The following PRKN variants were observed in gnomAD, a reference collection of about 807,000 sequenced individuals.
PRKN encodes parkin RBR E3 ubiquitin protein ligase, also known as E3 ubiquitin-protein ligase parkin.
PRKN carries 56 observed loss-of-function variants against 59.5 expected under a neutral mutation model. That is an observed-to-expected ratio of 0.94 (90% CI 0.76 to 1.18). The LOEUF (loss-of-function observed/expected upper bound fraction) is 1.18, where lower values mean the gene tolerates loss of function less well. Ranked by LOEUF, PRKN falls within the 50% of genes most tolerant of loss-of-function variation. PRKN has a pLI of 0.00. For missense variants in PRKN, 657 were observed against 596.4 expected (o/e 1.10, Z -1.06); for synonymous variants, 250 against 222.1 (o/e 1.13, Z -1.12).
At chr6:162,596,283 A>G (rs1781492085) in intron 1 of PRKN, among the ~76,000 whole-genome samples, 1 of 152,164 alleles carries the variant, frequency 6.6e-6, no homozygotes, top group South Asian at 2.1e-4. Context: ...ACAAGTGACA[A>G]CTCAGCAACT....
chr6:161,634,583 G>A (rs1260142880), intron 7 of PRKN, among the ~76,000 whole-genome samples: 1 of 152,134 alleles, frequency 6.6e-6, no homozygotes, highest in Non-Finnish European at 1.5e-5. Context: ...GAACAGGCAC[G>A]AGGACTCAAG....
chr6:162,134,626 T>C (rs747606410), intron 4 of PRKN, among the ~76,000 whole-genome samples: 1 of 152,166 alleles, frequency 6.6e-6, no homozygotes, highest in Non-Finnish European at 1.5e-5. Context: ...ATGATCTAGT[T>C]AAAGGCTTTG....
chr6:161,954,517 G>A (rs2128246810), intron 6 of PRKN, among the ~76,000 whole-genome samples: 1 of 152,238 alleles, frequency 6.6e-6, no homozygotes, highest in South Asian at 2.1e-4. Context: ...TAAAAATTCT[G>A]CAATATTTCT....
chr6:162,136,806 G>A (rs1781577443), intron 4 of PRKN, among the ~76,000 whole-genome samples: 2 of 152,056 alleles, frequency 1.3e-5, no homozygotes, highest in African/African-American at 2.4e-5. Flanking sequence ...ACAAAGCTAG[G>A]GCCTCTGCTT....
intron 1 of PRKN, among the ~76,000 whole-genome samples, chr6:162,476,674 C>T (rs1792034166): frequency 6.6e-6 from 1 of 152,044 alleles, no homozygotes; most frequent in Non-Finnish European, 1.5e-5. Context: ...CCTGGTTCAA[C>T]CTCATGAACA....
intron 2 of PRKN, among the ~76,000 whole-genome samples, chr6:162,301,660 G>GACCTATT (rs1781956917): frequency 6.6e-6 from 1 of 151,650 alleles, no homozygotes. Context: ...AAGCATGCCA[G>GACCTATT]ACCTATTACA....
intron 1 of PRKN, among the ~76,000 whole-genome samples, chr6:162,567,599 A>G (rs1200597839): frequency 7.0e-6 from 1 of 142,584 alleles, no homozygotes; most frequent in Non-Finnish European, 1.5e-5. Context: ...ACTATAAAAC[A>G]CTAATGAAAT....
intron 9 of PRKN, among the ~76,000 whole-genome samples, chr6:161,416,997 G>T (rs749154846): frequency 1.3e-5 from 2 of 152,184 alleles, no homozygotes; most frequent in Admixed American, 6.5e-5. Flanking sequence ...ATGGAGGAAA[G>T]AACTCTGGAG....
At chr6:162,446,724 G>C (rs1790333603) in intron 1 of PRKN, among the ~76,000 whole-genome samples, 1 of 152,104 alleles carries the variant, frequency 6.6e-6, no homozygotes, top group Non-Finnish European at 1.5e-5. Flanking sequence ...TCATAATCAA[G>C]TGCCATTATG....
intron 9 of PRKN, among the ~76,000 whole-genome samples, chr6:161,472,605 G>T (rs554323922): frequency 2.0e-4 from 31 of 152,050 alleles, no homozygotes; most frequent in African/African-American, 7.5e-4. Context: ...TAACTTTTTG[G>T]ATACCACACC....
intron 4 of PRKN, among the ~76,000 whole-genome samples, chr6:162,163,317 T>A (rs1227855404): frequency 1.3e-5 from 2 of 149,566 alleles, no homozygotes; most frequent in Non-Finnish European, 3.0e-5. Context: ...TAAAGAATGC[T>A]GGTCCTCACT....
At chr6:162,665,161 T>C (rs562682110) in intron 1 of PRKN, among the ~76,000 whole-genome samples, 7 of 152,000 alleles carry the variant, frequency 4.6e-5, no homozygotes, top group Non-Finnish European at 8.8e-5. Context: ...CTATTCAACA[T>C]AGTATTGGAA....
In PRKN at chr6:161,356,058, G is replaced by A. The variant is rs1339205545; in HGVS notation, c.1285+4030C>T. 2.6e-5 allele frequency among the ~76,000 whole-genome samples: 4 copies of A among 152,198 alleles called. No individual in the cohort carries two copies. The highest frequency in any genetic ancestry group is 2.1e-4 in the South Asian group (1 of 4,834). ...AGCTCTCAGGGTGGTCCTGAATTTC[G>A]TTAGTGGGTTGGGTATTATGACCAA... On this transcript the variant is annotated intron_variant, in intron 11 of 11. Transcript: ENST00000366898. This position sits in a 1 kb window ranked among gnomAD's most constrained non-coding sequence, Gnocchi z 7.8.
At chr6:162,658,423 A>G (rs1200892986) in intron 1 of PRKN, among the ~76,000 whole-genome samples, 1 of 152,202 alleles carries the variant, frequency 6.6e-6, no homozygotes, top group African/African-American at 2.4e-5. Context: ...GCACTTTGGG[A>G]GACCGACGCG....
chr6:161,787,336 G>A (rs747175539), intron 6 of PRKN, among the ~76,000 whole-genome samples: 5 of 152,052 alleles, frequency 3.3e-5, no homozygotes, highest in Non-Finnish European at 7.4e-5. Context: ...TCTGAGCAAG[G>A]GCGCACCTAA....
intron 2 of PRKN, among the ~76,000 whole-genome samples, chr6:162,273,847 C>G (rs1217021408): frequency 6.6e-6 from 1 of 152,086 alleles, no homozygotes; most frequent in African/African-American, 2.4e-5. Flanking sequence ...TATGAATTAT[C>G]ATGGATAAAT....
intron 2 of PRKN, among the ~76,000 whole-genome samples, chr6:162,343,075 G>T (rs897139956): frequency 6.6e-6 from 1 of 152,090 alleles, no homozygotes; most frequent in South Asian, 2.1e-4. Flanking sequence ...AAAAACAATA[G>T]GAAAACCTGT....
intron 6 of PRKN, among the ~76,000 whole-genome samples, chr6:161,963,976 CAGCG>C (rs1780481768): frequency 6.6e-6 from 1 of 150,990 alleles, no homozygotes; most frequent in Non-Finnish European, 1.5e-5. Context: ...CACAGGACAA[CAGCG>C]AGTTCAACTT....
intron 6 of PRKN, among the ~76,000 whole-genome samples, chr6:161,811,280 T>C (rs1791546955): frequency 6.6e-6 from 1 of 152,166 alleles, no homozygotes; most frequent in East Asian, 1.9e-4. Flanking sequence ...TTCCAAGCAG[T>C]AATTGTCCTT....
Sources: allele counts gnomAD v4.1 joint callset (sites outside exome capture counted in the v4.1 genomes callset), GRCh38; gene constraint gnomAD v4.1.1; non-coding constraint Gnocchi (gnomAD v3.1); transcripts MANE v1.5; gene names NCBI Gene and HGNC (gene_info 2026-07-23, HGNC 2026-07-21).